The following GRM3 variants were observed in gnomAD, a reference collection of about 807,000 sequenced individuals.
GRM3 encodes metabotropic glutamate receptor 3.
In GRM3, 26 loss-of-function variants were observed where a neutral mutation model predicts 70.5. The ratio of observed to expected loss-of-function variants is 0.37; its 90% CI spans 0.27 to 0.51. GRM3 has a LOEUF of 0.51. GRM3 is among the 20% of genes least tolerant of loss of function. The probability of loss-of-function intolerance (pLI) is 0.93; values close to 1 mark genes in which losing one functional copy is unlikely to be tolerated. For missense variants in GRM3, 859 were observed against 1,123.8 expected (o/e 0.76, Z 3.37); for synonymous variants, 443 against 434.9 (o/e 1.02, Z -0.23).
rs1562879251 is a variant in GRM3, at chr7:86,839,430, T to G, written c.1916T>G (p.Val639Gly). The change falls in exon 4 of 6, where the codon GTC becomes GGC. Residue 639 changes from valine (V) to glycine (G), a missense_variant. Physicochemically the swap from Val to Gly is moderately radical, Grantham distance 109 (BLOSUM62 -3). Coordinates refer to ENST00000361669, the MANE Select transcript of GRM3 (RefSeq NM_000840.3). This position sits in a 1 kb window ranked among gnomAD's most constrained non-coding sequence, Gnocchi z 4.5. ...TTCTTCATTGCCAAGCCATCACCAGTCATCTGTGCATTGCGCCGACTCGGG... is the reference window on the plus strand; with the variant it reads ...TTCTTCATTGCCAAGCCATCACCAGGCATCTGTGCATTGCGCCGACTCGGG... ...TFFFIAKPSPVICALRRLGLG... is the reference protein window; with the variant it reads ...TFFFIAKPSPGICALRRLGLG... The G allele has an allele frequency of 1.2e-6, 2 of 1,613,988 alleles. No individual in the cohort carries two copies. The highest frequency in any genetic ancestry group is 1.7e-6 in the Non-Finnish European group (2 of 1,179,904).
chr7:86,779,291 T>C (rs898678252), intron 2 of GRM3, among the ~76,000 whole-genome samples: 1 of 152,112 alleles, frequency 6.6e-6, no homozygotes, highest in Non-Finnish European at 1.5e-5. Flanking sequence ...CTCGTTTTAA[T>C]AAAAAAATGA....
At chr7:86,725,466 G>A (rs957459297) in intron 1 of GRM3, among the ~76,000 whole-genome samples, 5 of 152,086 alleles carry the variant, frequency 3.3e-5, no homozygotes, top group South Asian at 4.1e-4. Context: ...GGCGGAGGCT[G>A]CATCTTTCAT....
At chr7:86,758,194 A>G (rs1169432866) in intron 1 of GRM3, among the ~76,000 whole-genome samples, 1 of 152,162 alleles carries the variant, frequency 6.6e-6, no homozygotes, top group Admixed American at 6.5e-5. Context: ...ATAAAAAGGG[A>G]CTGTATACAT....
intron 1 of GRM3, among the ~76,000 whole-genome samples, chr7:86,706,265 A>T (rs947560479): frequency 5.3e-5 from 8 of 152,182 alleles, no homozygotes; most frequent in Middle Eastern, 3.4e-3. Flanking sequence ...GGGTGAGTAG[A>T]GCCCATCCTT....
chr7:86,708,968 GT>G (rs1795127927), intron 1 of GRM3, among the ~76,000 whole-genome samples: 2 of 151,372 alleles, frequency 1.3e-5, no homozygotes, highest in Admixed American at 6.6e-5. Context: ...CACAAACAGA[GT>G]TAAAAAAAAT....
intron 5 of GRM3, among the ~76,000 whole-genome samples, chr7:86,860,569 C>T (rs1227584962): frequency 1.3e-5 from 2 of 152,110 alleles, no homozygotes; most frequent in Non-Finnish European, 2.9e-5. Context: ...TTTGCTGTTG[C>T]TATTTCTTGT....
intron 1 of GRM3, among the ~76,000 whole-genome samples, chr7:86,666,562 A>G (rs1183129569): frequency 2.6e-5 from 4 of 152,080 alleles, no homozygotes; most frequent in African/African-American, 9.7e-5. Flanking sequence ...GATCTTTTAA[A>G]GCCAGATGTT....
chr7:86,759,406 T>C (rs1796425464), intron 1 of GRM3, among the ~76,000 whole-genome samples: 1 of 152,146 alleles, frequency 6.6e-6, no homozygotes, highest in Admixed American at 6.6e-5. Context: ...ATGACAGATC[T>C]TTTTAGCAAT....
rs192137045 is a variant in GRM3, at chr7:86,696,312, T to C, written c.-141+51440T>C. On this transcript the variant is annotated intron_variant, in intron 1 of 5. Coordinates refer to ENST00000361669, the MANE Select transcript of GRM3 (RefSeq NM_000840.3). The stretch of plus-strand genomic sequence containing the variant: ...CTCAAAGCAATTACAAGGTTCCTTA[T>C]AAGAGAGAAACAGGAAGGTCAGAGG... Among the ~76,000 whole-genome samples the C allele has an allele frequency of 2.3e-3, 354 of 152,236 alleles. 3 individuals carry two copies. The highest frequency in any genetic ancestry group is 0.014 in the Admixed American group (208 of 15,282).
At chr7:86,843,647 A>T (rs1413835566) in intron 4 of GRM3, among the ~76,000 whole-genome samples, 1 of 152,274 alleles carries the variant, frequency 6.6e-6, no homozygotes, top group Middle Eastern at 3.4e-3. Flanking sequence ...CATTTATAGT[A>T]ATTACTGAGT....
At chr7:86,713,801 TTAAA>T (rs1367572361) in intron 1 of GRM3, among the ~76,000 whole-genome samples, 1 of 152,014 alleles carries the variant, frequency 6.6e-6, no homozygotes, top group East Asian at 1.9e-4. Flanking sequence ...TATTGAATTA[TTAAA>T]TTAGTATATA....
chr7:86,808,563 C>T (rs1442426210), intron 3 of GRM3, among the ~76,000 whole-genome samples: 3 of 151,592 alleles, frequency 2.0e-5, no homozygotes, highest in Non-Finnish European at 2.9e-5. Context: ...AAATATAGCA[C>T]GCCAAGTGGA....
intron 3 of GRM3, among the ~76,000 whole-genome samples, chr7:86,789,227 A>G (rs1797346250): frequency 6.6e-6 from 1 of 152,212 alleles, no homozygotes; most frequent in African/African-American, 2.4e-5. Flanking sequence ...GATTTAAACT[A>G]CATAAAAGAG....
chr7:86,644,936 G>A lies in GRM3; in HGVS notation c.-141+64G>A, dbSNP rs938863314. 2.6e-5 allele frequency: 23 copies of A among 896,848 alleles called. 1 individual carries two copies. Among genetic ancestry groups the A allele is most frequent in the Middle Eastern group, 4.1e-4 (1 of 2,418 alleles). 55.6% of individuals were successfully genotyped at this position (896,848 alleles called of 1,614,324 possible). On this transcript the variant is annotated intron_variant, in intron 1 of 5. Transcript: ENST00000361669. Reference sequence around the variant, plus strand: ...GCCCAGCCAGGGCGCGGAAGCTCGGGTGCCGCGTGGGGCAGGCGCAGCCGG... The same window carrying A: ...GCCCAGCCAGGGCGCGGAAGCTCGGATGCCGCGTGGGGCAGGCGCAGCCGG...
intron 1 of GRM3, among the ~76,000 whole-genome samples, chr7:86,675,614 GAA>G (rs1794287149): frequency 6.6e-6 from 1 of 152,040 alleles, no homozygotes; most frequent in South Asian, 2.1e-4. Context: ...GTGAACTATT[GAA>G]AGCAATGCTC....
At position 86,692,030 on chromosome 7, in the gene GRM3, A is replaced by T. The variant is rs562253235; in HGVS notation, c.-141+47158A>T. ...AATGATTTGCCTTTCTAACAGACAA[A>T]ATCTACAAGTTAACATGTGATTTCA... On this transcript the variant is annotated intron_variant, in intron 1 of 5. Coordinates refer to ENST00000361669, the MANE Select transcript of GRM3 (RefSeq NM_000840.3). 2.6e-5 allele frequency among the ~76,000 whole-genome samples: 4 copies of T among 152,282 alleles called. No homozygotes were observed. The East Asian group carries it at 7.7e-4, about 29-fold the overall frequency.
At chr7:86,732,494 C>CTA (rs1360321848) in intron 1 of GRM3, among the ~76,000 whole-genome samples, 2 of 152,124 alleles carry the variant, frequency 1.3e-5, no homozygotes, top group East Asian at 1.9e-4. Context: ...AGTTCAGAGA[C>CTA]TATAGTTCAA....
Position 86,678,469 on chromosome 7 carries a change from T to C in GRM3, c.-141+33597T>C, listed in dbSNP as rs544209450. Among the ~76,000 whole-genome samples the C allele has an allele frequency of 3.9e-5, 6 of 152,112 alleles. No individual in the cohort carries two copies. In the South Asian group the frequency reaches 1.0e-3, roughly 26 times the overall value. ...TCTTTTTCTGTCAAAGCAAATCACA[T>C]TGGAAGTAGAACACATGTCTTAAGG... On this transcript the variant is annotated intron_variant, in intron 1 of 5. Coordinates refer to ENST00000361669, the MANE Select transcript of GRM3 (RefSeq NM_000840.3).
At position 86,839,496 on chromosome 7, in the gene GRM3, C is replaced by T; in HGVS notation, c.1982C>T (p.Thr661Ile). 6.2e-7 allele frequency: 1 copy of T among 1,609,304 alleles called. No individual in the cohort carries two copies. The highest frequency in any genetic ancestry group is 8.5e-7 in the Non-Finnish European group (1 of 1,177,272). ...GCTATCTGTTACTCAGCCCTGCTGA[C>T]CAAGACAAACTGCATTGCCCGCATC... ...SFAICYSALLTKTNCIARIFD... is the reference protein window; with the variant it reads ...SFAICYSALLIKTNCIARIFD... Residue 661 changes from threonine (T) to isoleucine (I), a missense_variant, in exon 4 of 6, where the codon ACC (threonine) becomes ATC (isoleucine). Physicochemically the swap from Thr to Ile is moderately conservative, Grantham distance 89. Transcript: ENST00000361669. This position sits in a 1 kb window ranked among gnomAD's most constrained non-coding sequence, Gnocchi z 4.5.
Sources: gnomAD v4.1 joint callset for allele counts (sites outside exome capture counted in the v4.1 genomes callset) on GRCh38, gnomAD v4.1.1 for gene constraint, Gnocchi (gnomAD v3.1) non-coding constraint, MANE v1.5 for transcripts, NCBI Gene and HGNC (gene_info 2026-07-23, HGNC 2026-07-21) for gene names.